GARIN1A: variants seen among roughly 807,000 people sequenced by gnomAD.
The protein encoded by GARIN1A is golgi associated RAB2 interactor 1A, also known as Golgi-associated RAB2 interactor protein 1A.
the GARIN1A span, among the ~76,000 whole-genome samples, chr7:128,696,691 A>G: frequency 2.6e-5 from 4 of 152,188 alleles, no homozygotes; most frequent in Non-Finnish European, 4.4e-5. Flanking sequence ...ATTCTAGGTC[A>G]ATGAGTCCCA....
chr7:128,708,253 C>G, the GARIN1A span, among the ~76,000 whole-genome samples: 1 of 150,880 alleles, frequency 6.6e-6, no homozygotes, highest in Non-Finnish European at 1.5e-5. Flanking sequence ...TCTCAAACTC[C>G]TGAGCTCAAA....
chr7:128,680,098 C>A, the GARIN1A span: 1 of 1,579,944 alleles, frequency 6.3e-7, no homozygotes, highest in Non-Finnish European at 8.6e-7. Context: ...GCTGAGCAGA[C>A]CAGTGGCAGT....
At chr7:128,676,762 T>A in the GARIN1A span, among the ~76,000 whole-genome samples, 1 of 151,312 alleles carries the variant, frequency 6.6e-6, no homozygotes, top group East Asian at 1.9e-4. Flanking sequence ...GGAGAAAGAG[T>A]CCTAGAAACT....
chr7:128,675,845 C>T, the GARIN1A span: 1 of 1,583,762 alleles, frequency 6.3e-7, no homozygotes, highest in Non-Finnish European at 8.7e-7. Context: ...ACGCCCCAGT[C>T]ATCAACCTCA....
the GARIN1A span, among the ~76,000 whole-genome samples, chr7:128,682,501 C>T: frequency 6.6e-6 from 1 of 152,172 alleles, no homozygotes; most frequent in Non-Finnish European, 1.5e-5. Context: ...ATTGTCACTG[C>T]CCCACATTTC....
chr7:128,701,690 C>G, the GARIN1A span, among the ~76,000 whole-genome samples: 1 of 151,944 alleles, frequency 6.6e-6, no homozygotes, highest in African/African-American at 2.4e-5. Context: ...AAAAACAGAG[C>G]AGGTGATAGA....
the GARIN1A span, chr7:128,677,941 A>T: frequency 1.3e-6 from 1 of 781,924 alleles, no homozygotes; most frequent in Non-Finnish European, 1.9e-6. Context: ...CATTTTGATA[A>T]TTTCTATTCA....
the GARIN1A span, among the ~76,000 whole-genome samples, chr7:128,681,656 C>A: frequency 6.6e-6 from 1 of 151,760 alleles, no homozygotes; most frequent in Non-Finnish European, 1.5e-5. Flanking sequence ...CATGCACCAC[C>A]ATGCCTGGCT....
the GARIN1A span, chr7:128,687,404 C>G: frequency 6.9e-6 from 1 of 143,988 alleles, no homozygotes; most frequent in Non-Finnish European, 1.5e-5. Context: ...GGGACAACTG[C>G]GGAGCCGATC....
the GARIN1A span, chr7:128,687,166 A>G: frequency 1.3e-5 from 2 of 152,234 alleles, no homozygotes; most frequent in South Asian, 2.1e-4. Context: ...CTTCAATGCT[A>G]CTATTGTGCC....
At chr7:128,672,556 C>G in the GARIN1A span, 1 of 1,579,244 alleles carries the variant, frequency 6.3e-7, no homozygotes, top group Non-Finnish European at 8.6e-7. Flanking sequence ...TCCAGGTACC[C>G]TCGTGGAGCT....
the GARIN1A span, among the ~76,000 whole-genome samples, chr7:128,703,645 G>C: frequency 1.3e-5 from 2 of 152,222 alleles, no homozygotes; most frequent in African/African-American, 4.8e-5. Flanking sequence ...GGGCATGGTG[G>C]AGCAGCTTAT....
chr7:128,674,852 T>C, the GARIN1A span, among the ~76,000 whole-genome samples: 5 of 152,132 alleles, frequency 3.3e-5, no homozygotes, highest in African/African-American at 1.2e-4. Context: ...CCCAGCACTT[T>C]GGGAGGCTGA....
chr7:128,675,251 C>T, the GARIN1A span, among the ~76,000 whole-genome samples: 5 of 152,322 alleles, frequency 3.3e-5, no homozygotes, highest in South Asian at 1.0e-3. Context: ...TCAACTCAAG[C>T]TGTCTGGGTC....
chr7:128,682,882 T>C, the GARIN1A span: 1 of 1,130,336 alleles, frequency 8.8e-7, no homozygotes, highest in Non-Finnish European at 1.2e-6. Context: ...CAGCTGAAAG[T>C]GGTTTTTAAG....
chr7:128,701,776 G>T, the GARIN1A span, among the ~76,000 whole-genome samples: 1 of 152,096 alleles, frequency 6.6e-6, no homozygotes, highest in Non-Finnish European at 1.5e-5. Flanking sequence ...TTAAAACAGA[G>T]AACAAAGAAC....
chr7:128,677,724 A>G, the GARIN1A span: 2 of 1,613,852 alleles, frequency 1.2e-6, no homozygotes, highest in South Asian at 2.2e-5. Flanking sequence ...AATTCTGCAG[A>G]AAGGCCTGTC....
the GARIN1A span, among the ~76,000 whole-genome samples, chr7:128,678,367 G>C: frequency 7.9e-5 from 12 of 152,116 alleles, no homozygotes; most frequent in Non-Finnish European, 1.5e-4. Context: ...GCATTTATAT[G>C]TATGATCTAC....
chr7:128,675,137 GT>G, the GARIN1A span, among the ~76,000 whole-genome samples: 1 of 152,138 alleles, frequency 6.6e-6, no homozygotes, highest in African/African-American at 2.4e-5. Context: ...TTTCTGTCCT[GT>G]GATGGCCGCC....
Sources: gnomAD v4.1 joint callset for allele counts (sites outside exome capture counted in the v4.1 genomes callset) on GRCh38, gnomAD v4.1.1 for gene constraint, MANE v1.5 for transcripts, NCBI Gene and HGNC (gene_info 2026-07-23, HGNC 2026-07-21) for gene names.